Variants in TNRC6B observed in about 807,000 individuals in gnomAD.
TNRC6B encodes trinucleotide repeat containing adaptor 6B, also known as trinucleotide repeat-containing gene 6B protein.
Under a neutral mutation model 203.6 loss-of-function variants are expected in TNRC6B, and 52 were observed. The observed-to-expected ratio is 0.26, with a 90% CI of 0.20 to 0.32. The LOEUF is 0.32. Among genes scored for constraint, TNRC6B ranks in the 10% least tolerant of loss-of-function variants. The probability of loss-of-function intolerance (pLI) is 1.00; values close to 1 mark genes in which losing one functional copy is unlikely to be tolerated. For synonymous variants in TNRC6B, 838 were observed against 845.7 expected (o/e 0.99, Z 0.16); for missense variants, 1,923 against 2,286.2 (o/e 0.84, Z 3.24).
Position 40,324,985 on chromosome 22 carries a change from A to G in TNRC6B, c.*1744A>G, listed in dbSNP as rs751807606. ...GGAATCAAAATGTATCAAACTGCTT[A>G]TTGTGAAGAGAATTATAGCAGACCT... is the stretch of plus-strand genomic sequence containing the variant. On this transcript the variant is annotated 3_prime_UTR_variant, in exon 23 of 23. Transcript: ENST00000454349. 1.3e-5 allele frequency: 2 copies of G among 152,428 alleles called. No homozygotes were observed. The allele number at this position is 152,428 out of a possible 1,614,324, so 9.4% of individuals were successfully genotyped here.
rs1269502854 is a variant in TNRC6B at position 40,332,606 on chromosome 22, T to G, written c.*9365T>G. The G allele has an allele frequency of 1.3e-5, 2 of 152,566 alleles. No individual in the cohort carries two copies. The highest frequency in any genetic ancestry group is 2.9e-5 in the Non-Finnish European group (2 of 68,016). The allele number at this position is 152,566 out of a possible 1,614,324, so 9.5% of individuals were successfully genotyped here. A position where few individuals can be genotyped will look rare whatever the true frequency, so the allele number is the denominator to read the frequency against. The stretch of plus-strand genomic sequence containing the variant: ...GACTTGATCACAGTCTCCTCGTGCC[T>G]GTGCAGGGCTGCACAGGCATGATCT... On this transcript the variant is annotated 3_prime_UTR_variant, in exon 23 of 23. Transcript: ENST00000454349.
chr22:40,059,787 T>A, intron 1 of TNRC6B, among the ~76,000 whole-genome samples: 1 of 151,792 alleles, frequency 6.6e-6, no homozygotes, highest in Non-Finnish European at 1.5e-5. Context: ...ATTCCTGGGA[T>A]AAGCCCCATT....
chr22:40,176,122 C>CTT (rs984617603), upstream of TNRC6B, among the ~76,000 whole-genome samples: 10 of 131,994 alleles, frequency 7.6e-5, 1 homozygote, highest in Non-Finnish European at 9.8e-5. Flanking sequence ...TTCTCATGCA[C>CTT]TTTTTTTTTT....
At chr22:40,068,817 G>C (rs7288882) in intron 1 of TNRC6B, among the ~76,000 whole-genome samples, 55,788 of 151,662 alleles carry the variant, frequency 0.37, 15,057 homozygotes, top group African/African-American at 0.76. Flanking sequence ...CTCCTGGCCT[G>C]AAGTAGTCCT....
At chr22:40,302,113 C>T (rs1282860656) in intron 15 of TNRC6B, among the ~76,000 whole-genome samples, 1 of 152,112 alleles carries the variant, frequency 6.6e-6, no homozygotes, top group Non-Finnish European at 1.5e-5. Context: ...AGAATTAGAA[C>T]AAGTAAGGTT....
At chr22:40,058,428 A>G (rs9623118) in intron 1 of TNRC6B, among the ~76,000 whole-genome samples, 6 of 115,554 alleles carry the variant, frequency 5.2e-5, no homozygotes, top group Non-Finnish European at 1.0e-4. Flanking sequence ...CTTTAGCACA[A>G]TGTGACACAA....
intron 1 of TNRC6B, among the ~76,000 whole-genome samples, chr22:40,218,394 G>A (rs927810700): frequency 5.0e-4 from 67 of 134,204 alleles, no homozygotes; most frequent in Admixed American, 3.9e-3. Context: ...TGGCATGATC[G>A]TGGCTCTCTG....
At chr22:40,064,657 G>A (rs1172659570) in intron 1 of TNRC6B, among the ~76,000 whole-genome samples, 2 of 145,856 alleles carry the variant, frequency 1.4e-5, no homozygotes, top group African/African-American at 2.5e-5. Context: ...TCACTCTGTC[G>A]CCAGGTGGAA....
intron 12 of TNRC6B, among the ~76,000 whole-genome samples, chr22:40,298,838 C>T (rs1301674082): frequency 2.6e-5 from 4 of 151,966 alleles, no homozygotes; most frequent in African/African-American, 7.2e-5. Flanking sequence ...CAGTGGCGGG[C>T]GCCTGTAGTC....
intron 1 of TNRC6B, among the ~76,000 whole-genome samples, chr22:40,098,379 C>T (rs541381052): frequency 8.9e-4 from 93 of 104,630 alleles, no homozygotes; most frequent in African/African-American, 4.9e-3. Context: ...AGCGAGACTC[C>T]GTCTCAAAAA....
intron 2 of TNRC6B, among the ~76,000 whole-genome samples, chr22:40,122,157 C>T (rs922021996): frequency 6.6e-6 from 1 of 152,190 alleles, no homozygotes; most frequent in Non-Finnish European, 1.5e-5. Flanking sequence ...TGACTGGGCT[C>T]TCTATATTTT....
chr22:40,053,003 A>G (rs575836359), intron 1 of TNRC6B, among the ~76,000 whole-genome samples: 1 of 152,118 alleles, frequency 6.6e-6, no homozygotes, highest in Non-Finnish European at 1.5e-5. Context: ...TGTATATGGT[A>G]TATTTGCTTG....
chr22:40,062,005 C>T (rs112547452), intron 1 of TNRC6B, among the ~76,000 whole-genome samples: 3,936 of 152,022 alleles, frequency 0.026, 170 homozygotes, highest in African/African-American at 0.091. Flanking sequence ...ATCTGGGAGG[C>T]GGAGGTTGCA....
intron 3 of TNRC6B, among the ~76,000 whole-genome samples, chr22:40,260,092 G>A: frequency 6.6e-6 from 1 of 152,098 alleles, no homozygotes; most frequent in Admixed American, 6.5e-5. Context: ...TTCCCACGCT[G>A]TGTGCGGGCC....
chr22:40,187,571 T>C (rs1327377058), intron 1 of TNRC6B, among the ~76,000 whole-genome samples: 1 of 152,162 alleles, frequency 6.6e-6, no homozygotes, highest in Non-Finnish European at 1.5e-5. Flanking sequence ...TTGCACTCCC[T>C]GGAGTCAGTG....
intron 1 of TNRC6B, among the ~76,000 whole-genome samples, chr22:40,059,061 G>C (rs1471395355): frequency 1.3e-5 from 2 of 152,024 alleles, no homozygotes; most frequent in African/African-American, 4.8e-5. Flanking sequence ...TTTATCAACT[G>C]TCATTTCTTT....
intron 12 of TNRC6B, among the ~76,000 whole-genome samples, chr22:40,297,511 G>T (rs556112865): frequency 3.1e-4 from 47 of 152,102 alleles, no homozygotes; most frequent in Admixed American, 3.1e-3. Flanking sequence ...AAGGTCTTAA[G>T]CTCAAATTAA....
intron 1 of TNRC6B, among the ~76,000 whole-genome samples, chr22:40,076,941 C>T (rs1333531399): frequency 2.0e-5 from 3 of 151,586 alleles, no homozygotes; most frequent in Non-Finnish European, 4.4e-5. Context: ...TGGAGGATTG[C>T]TTCAGCCCAG....
At chr22:40,243,325 A>T (rs949838699) in intron 1 of TNRC6B, among the ~76,000 whole-genome samples, 1 of 152,240 alleles carries the variant, frequency 6.6e-6, no homozygotes, top group African/African-American at 2.4e-5. Context: ...GGCAAAGTAG[A>T]TTCTTCCTAA....
Sources: gnomAD v4.1 joint callset for allele counts (sites outside exome capture counted in the v4.1 genomes callset) on GRCh38, gnomAD v4.1.1 for gene constraint, MANE v1.5 for transcripts, NCBI Gene and HGNC (gene_info 2026-07-23, HGNC 2026-07-21) for gene names.